BICRAL: variants seen among roughly 807,000 people sequenced by gnomAD.
The protein encoded by BICRAL is BRD4-interacting chromatin-remodeling complex-associated protein-like.
In BICRAL, 8 loss-of-function variants were observed where a neutral mutation model predicts 91.8. That is an observed-to-expected ratio of 0.09 (90% CI 0.05 to 0.16). The LOEUF (loss-of-function observed/expected upper bound fraction) is 0.16, where lower values mean the gene tolerates loss of function less well. BICRAL is among the 10% of genes least tolerant of loss of function. The pLI, the probability that BICRAL is intolerant of heterozygous loss-of-function variation, is 1.00. For missense variants in BICRAL, 1,038 were observed against 1,310.9 expected (o/e 0.79, Z 3.21); for synonymous variants, 445 against 491.1 (o/e 0.91, Z 1.24).
At chr6:42,781,992 G>C (rs1165947262), upstream of BICRAL, 1 of 146,558 alleles carries the variant, frequency 6.8e-6, no homozygotes, top group African/African-American at 2.5e-5. Flanking sequence ...CCGCTCGGCC[G>C]GGAGCTCCCG....
At position 42,851,396 on chromosome 6, in the gene BICRAL, AG is replaced by A. The variant is rs1269638411; in HGVS notation, c.1840-695del. 2.0e-5 allele frequency among the ~76,000 whole-genome samples: 3 copies of A among 152,064 alleles called. No individual in the cohort carries two copies. The East Asian group carries it at 5.8e-4, about 29-fold the overall frequency. The stretch of plus-strand genomic sequence containing the variant: ...ATAAAATACGTTATGAGATAACATA[AG>A]TTTTTTTTAAGAACTAAAAGGAACT... On this transcript the variant is annotated intron_variant, in intron 6 of 12. Transcript: ENST00000314073.
intron 1 of BICRAL, among the ~76,000 whole-genome samples, chr6:42,790,090 G>A (rs1763225473): frequency 6.6e-6 from 1 of 152,140 alleles, no homozygotes; most frequent in Non-Finnish European, 1.5e-5. Context: ...TTGACATTCT[G>A]ATCTGTGCAC....
chr6:42,771,220 G>A (rs1762719183), intron 1 of BICRAL, among the ~76,000 whole-genome samples: 1 of 152,202 alleles, frequency 6.6e-6, no homozygotes, highest in Non-Finnish European at 1.5e-5. Context: ...TTGCAGGCAG[G>A]TTTCCTGTCG....
At position 42,860,272 on chromosome 6, in the gene BICRAL, A is replaced by G. The variant is rs1765514663; in HGVS notation, c.2265A>G (p.Glu755=). 1 of 1,594,848 alleles carries G rather than the reference A, an allele frequency of 6.3e-7. No homozygotes were observed. Among genetic ancestry groups the G allele is most frequent in the Non-Finnish European group, 8.6e-7 (1 of 1,162,820 alleles). The change falls in exon 11 of 13, where the codon GAA becomes GAG. Residue 755 remains glutamate, a synonymous_variant. Coordinates refer to ENST00000314073, the MANE Select transcript of BICRAL (RefSeq NM_001393499.1). ...TCTCTCTTTTTAAAGTGGACAATGA[A>G]TTTGAGACAGTTGCCACTCAGCTCC... ...TEEDLRKVDN[E]FETVATQLLK...
chr6:42,809,219 G>A (rs1055406376), intron 1 of BICRAL, among the ~76,000 whole-genome samples: 14 of 150,326 alleles, frequency 9.3e-5, no homozygotes, highest in Admixed American at 2.0e-4. Context: ...TTAGTTTGCC[G>A]AGAATGATGG....
intron 1 of BICRAL, among the ~76,000 whole-genome samples, chr6:42,803,292 A>T (rs1763625823): frequency 6.6e-6 from 1 of 152,194 alleles, no homozygotes; most frequent in Non-Finnish European, 1.5e-5. Context: ...GGATCTTTAA[A>T]ACTTGTATTT....
intron 1 of BICRAL, among the ~76,000 whole-genome samples, chr6:42,758,626 TAC>T (rs1427058553): frequency 6.7e-6 from 1 of 150,260 alleles, no homozygotes. Flanking sequence ...GCTGAAATTA[TAC>T]AGAGTAACCT....
At chr6:42,780,574 T>A (rs1292269662), upstream of BICRAL, among the ~76,000 whole-genome samples, 1 of 152,212 alleles carries the variant, frequency 6.6e-6, no homozygotes, top group Admixed American at 6.5e-5. Context: ...TATGTATTTT[T>A]TAAAACCTGA....
intron 6 of BICRAL, among the ~76,000 whole-genome samples, chr6:42,851,360 A>T (rs553769553): frequency 2.2e-4 from 34 of 152,236 alleles, no homozygotes; most frequent in African/African-American, 7.2e-4. Flanking sequence ...TATGGCAAAA[A>T]AATAATAATA....
At chr6:42,815,392 A>G (rs1763964071) in intron 2 of BICRAL, among the ~76,000 whole-genome samples, 2 of 151,906 alleles carry the variant, frequency 1.3e-5, no homozygotes, top group South Asian at 2.1e-4. Context: ...GGGTTTCACC[A>G]TGTTGGCCAG....
At chr6:42,747,330 C>T (rs943538883) in intron 1 of BICRAL, among the ~76,000 whole-genome samples, 1 of 152,214 alleles carries the variant, frequency 6.6e-6, no homozygotes, top group Non-Finnish European at 1.5e-5. Context: ...GCCCGCCCTT[C>T]CAACCCTAGG....
intron 8 of BICRAL, among the ~76,000 whole-genome samples, chr6:42,854,839 T>G (rs1765297855): frequency 6.6e-6 from 1 of 152,198 alleles, no homozygotes; most frequent in African/African-American, 2.4e-5. Flanking sequence ...TTTGTTTGTT[T>G]GTTTTTTTGA....
chr6:42,834,698 C>T (rs1315014029), intron 6 of BICRAL, among the ~76,000 whole-genome samples: 1 of 152,154 alleles, frequency 6.6e-6, no homozygotes, highest in Non-Finnish European at 1.5e-5. Flanking sequence ...ATGCTCAAGT[C>T]TACCCACATT....
chr6:42,799,677 A>C (rs1344208592), intron 1 of BICRAL, among the ~76,000 whole-genome samples: 1 of 152,186 alleles, frequency 6.6e-6, no homozygotes, highest in Non-Finnish European at 1.5e-5. Flanking sequence ...AAATAATTAC[A>C]ATACAAATTC....
intron 8 of BICRAL, among the ~76,000 whole-genome samples, chr6:42,854,796 C>G (rs1187929778): frequency 1.3e-5 from 2 of 152,192 alleles, no homozygotes; most frequent in Admixed American, 1.3e-4. Context: ...GCTAGAATTA[C>G]AGGCTTAAGC....
chr6:42,861,866 G>A (rs1765566146), intron 11 of BICRAL, among the ~76,000 whole-genome samples: 1 of 152,046 alleles, frequency 6.6e-6, no homozygotes, highest in Non-Finnish European at 1.5e-5. Context: ...GGGTGTGGTG[G>A]TGCGTGCCTG....
intron 2 of BICRAL, among the ~76,000 whole-genome samples, chr6:42,819,920 G>A (rs1369613897): frequency 6.6e-6 from 1 of 152,136 alleles, no homozygotes; most frequent in Non-Finnish European, 1.5e-5. Context: ...TATTCCCAGG[G>A]AGCCTTCTTT....
chr6:42,772,424 G>A lies in BICRAL; in HGVS notation c.-260-9415G>A, dbSNP rs554621914. The stretch of plus-strand genomic sequence containing the variant: ...GTGCCACAGGAAAAGGGAATTCCAG[G>A]CAGATGGGAAAGGATATGTCCAAAT... On this transcript the variant is annotated intron_variant, in intron 1 of 14. Coordinates refer to the BICRAL transcript ENST00000614467. Among the ~76,000 whole-genome samples the A allele has an allele frequency of 1.9e-4, 29 of 152,272 alleles. No individual in the cohort carries two copies. The South Asian group carries it at 5.8e-3, about 31-fold the overall frequency.
At chr6:42,846,847 T>G (rs953447804) in intron 6 of BICRAL, among the ~76,000 whole-genome samples, 7 of 152,228 alleles carry the variant, frequency 4.6e-5, no homozygotes, top group Non-Finnish European at 1.5e-5. Flanking sequence ...AATACCATGT[T>G]GTGTATTTTC....
Sources: allele counts gnomAD v4.1 joint callset (sites outside exome capture counted in the v4.1 genomes callset), GRCh38; gene constraint gnomAD v4.1.1; transcripts MANE v1.5; gene names NCBI Gene and HGNC (gene_info 2026-07-23, HGNC 2026-07-21).